Variants in CCDC43 observed in about 807,000 individuals in gnomAD.
CCDC43 encodes the protein coiled-coil domain-containing protein 43.
CCDC43 carries 20 observed loss-of-function variants against 33.3 expected under a neutral mutation model. That is an observed-to-expected ratio of 0.60 (90% CI 0.42 to 0.87). The LOEUF (loss-of-function observed/expected upper bound fraction) is 0.87. Among genes scored for constraint, CCDC43 ranks in the 40% least tolerant of loss-of-function variants. CCDC43 has a pLI of 0.00. For missense variants in CCDC43, 248 were observed against 269.9 expected (o/e 0.92, Z 0.57); for synonymous variants, 104 against 106.5 (o/e 0.98, Z 0.14).
chr17:44,679,621 G>A (rs751531604), intron 4 of CCDC43, among the ~76,000 whole-genome samples: 15 of 152,158 alleles, frequency 9.9e-5, no homozygotes, highest in Non-Finnish European at 1.5e-4. Flanking sequence ...TAGGCTGGGC[G>A]CAGTGGCTCA....
chr17:44,681,544 A>G (rs1239805463), intron 3 of CCDC43, among the ~76,000 whole-genome samples: 2 of 152,142 alleles, frequency 1.3e-5, no homozygotes, highest in Non-Finnish European at 2.9e-5. Context: ...CTTTCACCCA[A>G]AAATACCCAG....
In CCDC43 at chr17:44,689,562, G is replaced by C. The variant is rs946900015; in HGVS notation, c.192C>G (p.Leu64=). 5.0e-6 allele frequency: 8 copies of C among 1,613,858 alleles called. No homozygotes were observed. In the African/African-American group the frequency reaches 5.3e-5, roughly 11 times the overall value. The change falls in exon 1 of 5, where the codon CTC becomes CTG. Residue 64 remains leucine (L), a synonymous_variant. Coordinates refer to ENST00000315286, the MANE Select transcript of CCDC43 (RefSeq NM_144609.3). The stretch of plus-strand genomic sequence containing the variant: ...CCAGGCTACTCACCAGGAAAGCAGA[G>C]AGGATCCCCTGCAGAGCGTCCAGCT... ...EEKLDALQGI[L]SAFLEEDSLL...
At chr17:44,688,028 G>A (rs1972266160) in intron 1 of CCDC43, 1 of 152,152 alleles carries the variant, frequency 6.6e-6, no homozygotes, top group Non-Finnish European at 1.5e-5. Context: ...CCAAATGTGA[G>A]TGATTTTTTC....
intron 1 of CCDC43, among the ~76,000 whole-genome samples, chr17:44,684,740 C>A (rs1299779872): frequency 6.6e-6 from 1 of 151,738 alleles, no homozygotes; most frequent in Admixed American, 6.6e-5. Context: ...AAAATGTACT[C>A]TTTTAGTAAT....
chr17:44,680,506 C>T, intron 4 of CCDC43, 79 bp downstream of exon 4: 1 of 1,048,596 alleles, frequency 9.5e-7, no homozygotes, highest in Non-Finnish European at 1.5e-6. Context: ...AGGGGAGCCG[C>T]CAGCAATGAC....
At chr17:44,689,208 G>A (rs903575242) in intron 1 of CCDC43, 2 of 324,372 alleles carry the variant, frequency 6.2e-6, no homozygotes, top group African/African-American at 2.1e-5. Flanking sequence ...GTAAACGGAT[G>A]GAAATGGAAT....
At chr17:44,689,218 T>G in intron 1 of CCDC43, 2 of 337,940 alleles carry the variant, frequency 5.9e-6, no homozygotes, top group Admixed American at 4.4e-5. Context: ...GGAAATGGAA[T>G]TGGTCGTCAG....
intron 1 of CCDC43, among the ~76,000 whole-genome samples, chr17:44,684,234 A>G (rs566884264): frequency 2.4e-4 from 37 of 152,298 alleles, no homozygotes; most frequent in Non-Finnish European, 4.7e-4. Flanking sequence ...AGCCTTCCTC[A>G]TTCTCTCTTA....
At chr17:44,682,391 T>TAAAAAA (rs67280453) in intron 2 of CCDC43, among the ~76,000 whole-genome samples, 13 of 100,996 alleles carry the variant, frequency 1.3e-4, no homozygotes, top group African/African-American at 4.7e-4. Context: ...TCTGCTGCCT[T>TAAAAAA]AAAAAAAAAA....
chr17:44,682,080 T>C lies in CCDC43; in HGVS notation c.351A>G (p.Pro117=). Reference sequence around the variant, plus strand: ...GCTTCTCCTCTTCTGACACCATCCTTGGCTTTACTACGATTTGTGCCTGCT... The same window carrying C: ...GCTTCTCCTCTTCTGACACCATCCTCGGCTTTACTACGATTTGTGCCTGCT... ...IEKQAQIVVK[P]RMVSEEEKQR... The change falls in exon 3 of 5, where the codon CCA becomes CCG. Residue 117 remains proline (P), a synonymous_variant. Transcript: ENST00000315286. 1 of 1,614,038 alleles carries C rather than the reference T, an allele frequency of 6.2e-7. No homozygotes were observed. The highest frequency in any genetic ancestry group is 8.5e-7 in the Non-Finnish European group (1 of 1,179,890).
intron 3 of CCDC43, 111 bp downstream of exon 3, chr17:44,681,892 G>A: frequency 7.6e-7 from 1 of 1,322,906 alleles, no homozygotes. Context: ...ATTTTAGAGG[G>A]GAAAATTAAG....
Position 44,678,495 on chromosome 17 carries a change from A to C in CCDC43, c.*361T>G. 1 of 179,724 alleles carries C rather than the reference A, an allele frequency of 5.6e-6. No individual in the cohort carries two copies. Among genetic ancestry groups the C allele is most frequent in the East Asian group, 1.5e-4 (1 of 6,630 alleles). 11.1% of individuals were successfully genotyped at this position (179,724 alleles called of 1,614,324 possible). ...TGCCCACATTTTATCTCAGGGAGGG[A>C]TTGATTATGTTTCTGCTCCTTCAGA... On this transcript the variant is annotated 3_prime_UTR_variant, in exon 5 of 5. Coordinates refer to ENST00000315286, the MANE Select transcript of CCDC43 (RefSeq NM_144609.3).
Position 44,678,540 on chromosome 17 carries a change from T to C in CCDC43, c.*316A>G, listed in dbSNP as rs189260527. On this transcript the variant is annotated 3_prime_UTR_variant, in exon 5 of 5. Coordinates refer to ENST00000315286, the MANE Select transcript of CCDC43 (RefSeq NM_144609.3). ...TTCAGAATGAAAACTGTTAGCTTTC[T>C]GAATCCTATTTATCCAAGGTGAGGG... The C allele has an allele frequency of 4.4e-4, 100 of 226,564 alleles. No individual in the cohort carries two copies. Among genetic ancestry groups the C allele is most frequent in the African/African-American group, 2.0e-3 (89 of 44,138 alleles). 14.0% of individuals were successfully genotyped at this position (226,564 alleles called of 1,614,324 possible).
intron 2 of CCDC43, 24 bp from the exon 3 acceptor site, chr17:44,682,162 CA>C (rs1568139699): frequency 1.2e-6 from 2 of 1,613,628 alleles, no homozygotes; most frequent in Non-Finnish European, 1.7e-6. Context: ...GAAGGAAGAA[CA>C]AGGTTGTATG....
At chr17:44,682,856 CA>C (rs892185295) in intron 2 of CCDC43, among the ~76,000 whole-genome samples, 17 of 144,290 alleles carry the variant, frequency 1.2e-4, no homozygotes, top group Non-Finnish European at 1.1e-4. Flanking sequence ...AACTCCGTCT[CA>C]AAAAAAAAAA....
intron 4 of CCDC43, 46 bp downstream of exon 4, chr17:44,680,537 CAA>C (rs754668312): frequency 1.5e-6 from 2 of 1,376,556 alleles, no homozygotes; most frequent in East Asian, 4.6e-5. Flanking sequence ...AAACTGATCT[CAA>C]GAGGACTCTA....
intron 2 of CCDC43, among the ~76,000 whole-genome samples, chr17:44,683,027 A>G (rs1568140099): frequency 6.6e-6 from 1 of 152,212 alleles, no homozygotes; most frequent in Non-Finnish European, 1.5e-5. Context: ...ACCCAGGTAC[A>G]TTAAGTGATT....
intron 1 of CCDC43, among the ~76,000 whole-genome samples, chr17:44,684,390 AT>A (rs555180979): frequency 6.6e-6 from 1 of 152,114 alleles, no homozygotes; most frequent in Admixed American, 6.6e-5. Context: ...CATATTTCTC[AT>A]TTTTTTGGTG....
At chr17:44,685,948 C>G (rs1356697303) in intron 1 of CCDC43, among the ~76,000 whole-genome samples, 7 of 152,000 alleles carry the variant, frequency 4.6e-5, no homozygotes, top group Admixed American at 3.9e-4. Flanking sequence ...GAGTCTCGCT[C>G]TGTTGCCCAG....
Sources: gnomAD v4.1 joint callset for allele counts (sites outside exome capture counted in the v4.1 genomes callset) on GRCh38, gnomAD v4.1.1 for gene constraint, MANE v1.5 for transcripts, NCBI Gene and HGNC (gene_info 2026-07-23, HGNC 2026-07-21) for gene names.